Variants in NRP2 observed in about 807,000 individuals in gnomAD.
NRP2 encodes neuropilin 2, also known as neuropilin-2.
A neutral mutation model predicts 110.4 loss-of-function variants in NRP2; 52 were observed. The ratio of observed to expected loss-of-function variants is 0.47; its 90% CI spans 0.38 to 0.59. The LOEUF (loss-of-function observed/expected upper bound fraction) is 0.59. Among genes scored for constraint, NRP2 ranks in the 20% least tolerant of loss-of-function variants. The probability of loss-of-function intolerance (pLI) is 0.00; values close to 1 mark genes in which losing one functional copy is unlikely to be tolerated. For synonymous variants in NRP2, 508 were observed against 468.9 expected, an observed-to-expected ratio of 1.08 and a Z score of -1.08; for missense variants, 1,049 against 1,203.0, an observed-to-expected ratio of 0.87 and a Z score of 1.89.
rs191283507 is a variant in NRP2, at chr2:205,781,221, C to T, written c.2426-11014C>T. On this transcript the variant is annotated intron_variant, in intron 15 of 16. Transcript: ENST00000357785. ...CTTATTTTAAGGGTACTTACTCCCC[C>T]TAAAAGGGCAAGGACTGTTAGGACT... Among the ~76,000 whole-genome samples the T allele has an allele frequency of 3.9e-5, 6 of 152,324 alleles. No homozygotes were observed. The East Asian group carries it at 1.2e-3, about 29-fold the overall frequency.
intron 2 of NRP2, among the ~76,000 whole-genome samples, chr2:205,714,005 G>A (rs1450874250): frequency 6.6e-6 from 1 of 152,118 alleles, no homozygotes; most frequent in Non-Finnish European, 1.5e-5. Context: ...CTGCTCATTT[G>A]TTCCATTTCT....
intron 15 of NRP2, chr2:205,776,233 G>C: frequency 6.2e-7 from 1 of 1,610,796 alleles, no homozygotes; most frequent in Non-Finnish European, 8.5e-7. Context: ...ACTCTTCTGT[G>C]TCTCTCCACC....
chr2:205,692,971 G>A (rs2056345194), intron 1 of NRP2, among the ~76,000 whole-genome samples: 1 of 152,186 alleles, frequency 6.6e-6, no homozygotes, highest in African/African-American at 2.4e-5. Flanking sequence ...TGCTAGTGGT[G>A]AGACTAGACT....
rs548093724 is a variant in NRP2 at position 205,757,079 on chromosome 2, G to A, written c.2044+4104G>A. On this transcript the variant is annotated intron_variant, in intron 12 of 16. Transcript: ENST00000357785. ...CCCCTAAATCTGTGCTCTTTTATTC[G>A]TGGGTTGGCCTTGTGAAATCTGATT... Among the ~76,000 whole-genome samples the A allele has an allele frequency of 3.9e-5, 6 of 152,264 alleles. No individual in the cohort carries two copies. The South Asian group carries it at 8.3e-4, about 21-fold the overall frequency.
chr2:205,743,432 C>T lies in NRP2; in HGVS notation c.1521C>T (p.Arg507=), dbSNP rs774381022. 5.6e-6 allele frequency: 9 copies of T among 1,614,230 alleles called. No homozygotes were observed. In the East Asian group the frequency reaches 6.7e-5, roughly 12 times the overall value. ...TVKGVIIQGA[R]GGDSITAVEA... The stretch of plus-strand genomic sequence containing the variant: ...AAGGTGTCATCATCCAGGGAGCCCG[C>T]GGAGGAGACAGTATCACTGCTGTGG... The change falls in exon 9 of 17, where the codon CGC becomes CGT. Residue 507 remains arginine, a synonymous_variant. Transcript: ENST00000357785.
chr2:205,700,761 T>C (rs1299707971), intron 2 of NRP2: 12 of 518,952 alleles, frequency 2.3e-5, no homozygotes, highest in Non-Finnish European at 4.6e-5. Flanking sequence ...CCTGACTCAG[T>C]GCAATCCAAG....
In NRP2 at chr2:205,682,778, C is replaced by T; in HGVS notation, c.-513C>T. The T allele has an allele frequency of 6.2e-6, 1 of 160,960 alleles. No individual in the cohort carries two copies. Among genetic ancestry groups the T allele is most frequent in the Non-Finnish European group, 1.4e-5 (1 of 73,412 alleles). The allele number at this position is 160,960 out of a possible 1,614,324, so 10.0% of individuals were successfully genotyped here. A position where few individuals can be genotyped will look rare whatever the true frequency, so the allele number is the denominator to read the frequency against. Reference sequence around the variant, plus strand: ...CCCGGCGAGGACAAGAGCAGGGCGGCCGCCTTCCACTCGGGCTGTCCGGCG... The same window carrying T: ...CCCGGCGAGGACAAGAGCAGGGCGGTCGCCTTCCACTCGGGCTGTCCGGCG... On this transcript the variant is annotated 5_prime_UTR_variant, in exon 1 of 17. Coordinates refer to ENST00000357785, the MANE Select transcript of NRP2 (RefSeq NM_003872.3). This position sits in a 1 kb window ranked among gnomAD's most constrained non-coding sequence, Gnocchi z 4.3.
At chr2:205,719,646 G>A (rs1183361036) in intron 3 of NRP2, among the ~76,000 whole-genome samples, 1 of 152,048 alleles carries the variant, frequency 6.6e-6, no homozygotes, top group African/African-American at 2.4e-5. Flanking sequence ...ACATTTTTGG[G>A]GTCATTCACA....
chr2:205,728,768 C>T (rs1409602389), intron 7 of NRP2, among the ~76,000 whole-genome samples: 2 of 152,228 alleles, frequency 1.3e-5, no homozygotes, highest in Non-Finnish European at 2.9e-5. Flanking sequence ...ACACAGCACA[C>T]TCAGCCCATG....
chr2:205,749,760 G>A lies in NRP2; in HGVS notation c.1822G>A (p.Val608Met), dbSNP rs759909954. ...KPTVETLGPTVKSEETTTPYP... is the reference protein window; with the variant it reads ...KPTVETLGPTMKSEETTTPYP... The stretch of plus-strand genomic sequence containing the variant: ...CACGGTAGAGACGCTGGGACCCACT[G>A]TGAAGAGCGAAGAGACAACCACCCC... The change falls in exon 11 of 17, where the codon GTG becomes ATG. Residue 608 changes from valine to methionine, a missense_variant. Val to Met is a conservative substitution (Grantham distance 21, BLOSUM62 1). Transcript: ENST00000357785. The A allele has an allele frequency of 5.6e-6, 9 of 1,614,176 alleles. No homozygotes were observed. The highest frequency in any genetic ancestry group is 7.6e-6 in the Non-Finnish European group (9 of 1,180,002).
chr2:205,716,088 A>T, intron 2 of NRP2, 105 bp from the exon 3 acceptor site: 1 of 1,237,442 alleles, frequency 8.1e-7, no homozygotes, highest in Non-Finnish European at 1.2e-6. Flanking sequence ...CATCTGAAAC[A>T]CCTTAACTTC....
chr2:205,694,235 A>G (rs565889435), intron 1 of NRP2, among the ~76,000 whole-genome samples: 1 of 152,370 alleles, frequency 6.6e-6, no homozygotes, highest in Admixed American at 6.5e-5. Flanking sequence ...GATATTTTAC[A>G]TTTCAAATAA....
Position 205,759,302 on chromosome 2 carries a change from G to A in NRP2, c.2045-4372G>A, listed in dbSNP as rs565958548. ...AGAAATTGGCTATGCTCCATCAGGG[G>A]TAGAAGGAGGAAATGTCTCTAAATG... On this transcript the variant is annotated intron_variant, in intron 12 of 16. Transcript: ENST00000357785. Among the ~76,000 whole-genome samples, 14 of 152,338 alleles carry A rather than the reference G, an allele frequency of 9.2e-5. No homozygotes were observed. In the East Asian group the frequency reaches 2.5e-3, roughly 27 times the overall value.
At chr2:205,740,108 C>T (rs2057414019) in intron 7 of NRP2, 2 of 292,052 alleles carry the variant, frequency 6.8e-6, no homozygotes, top group Admixed American at 4.7e-5. Context: ...TTCCTAGGTG[C>T]CTGCAACATG....
At chr2:205,752,727 T>C (rs2057668267) in intron 11 of NRP2, 108 bp from the exon 12 acceptor site, 1 of 1,191,218 alleles carries the variant, frequency 8.4e-7, no homozygotes, top group South Asian at 1.3e-5. Flanking sequence ...GCCACTTCTT[T>C]CTCTGCTCTC....
chr2:205,707,415 A>G lies in NRP2; in HGVS notation c.252-8778A>G, dbSNP rs73064106. On this transcript the variant is annotated intron_variant, in intron 2 of 16. Transcript: ENST00000357785. ...CACACCATGGTGTTTTTTGCACAGT[A>G]GTGACAAGTTTGCCCCTGGAGCCAG... is the stretch of plus-strand genomic sequence containing the variant. Among the ~76,000 whole-genome samples, 500 of 152,248 alleles carry G rather than the reference A, an allele frequency of 3.3e-3. 3 individuals carry two copies. Among genetic ancestry groups the G allele is most frequent in the African/African-American group, 0.011 (475 of 41,542 alleles).
At chr2:205,695,180 G>A (rs1185758088) in intron 1 of NRP2, among the ~76,000 whole-genome samples, 1 of 152,150 alleles carries the variant, frequency 6.6e-6, no homozygotes. Flanking sequence ...TAACTGCCCT[G>A]ATTTTCTCCA....
intron 7 of NRP2, among the ~76,000 whole-genome samples, chr2:205,733,996 C>T (rs564244971): frequency 1.3e-5 from 2 of 152,228 alleles, no homozygotes; most frequent in South Asian, 2.1e-4. Context: ...AGAACGCAGC[C>T]GCCCCTGTGC....
chr2:205,749,621 G>A, intron 10 of NRP2, 104 bp from the exon 11 acceptor site: 1 of 903,806 alleles, frequency 1.1e-6, no homozygotes. Flanking sequence ...GTGCACATGT[G>A]TGCATCTTCT....
Sources: gnomAD v4.1 joint callset for allele counts (sites outside exome capture counted in the v4.1 genomes callset) on GRCh38, gnomAD v4.1.1 for gene constraint, Gnocchi (gnomAD v3.1) non-coding constraint, MANE v1.5 for transcripts, NCBI Gene and HGNC (gene_info 2026-07-23, HGNC 2026-07-21) for gene names.